NACC2: variants seen among roughly 807,000 people sequenced by gnomAD.
NACC2 encodes the protein NACC family member 2.
NACC2 carries 8 observed loss-of-function variants against 25.1 expected under a neutral mutation model. The ratio of observed to expected loss-of-function variants is 0.32; its 90% CI spans 0.19 to 0.57. The LOEUF (loss-of-function observed/expected upper bound fraction) is 0.57, where lower values mean the gene tolerates loss of function less well. NACC2 is among the 20% of genes least tolerant of loss of function. The pLI is 0.89. For missense variants in NACC2, 644 were observed against 650.2 expected (o/e 0.99, Z 0.10); for synonymous variants, 435 against 294.7 (o/e 1.48, Z -4.88).
rs1166339881 is a variant in NACC2 at position 136,020,566 on chromosome 9, G to A, written c.887-4137C>T. Reference sequence around the variant, plus strand: ...GCGGGGGTAGGAGGGAGACGGGGAGGCCTACTCCCTAAAAGTGTATACCAT... The same window carrying A: ...GCGGGGGTAGGAGGGAGACGGGGAGACCTACTCCCTAAAAGTGTATACCAT... On this transcript the variant is annotated intron_variant, in intron 2 of 5. Transcript: ENST00000277554. This position sits in a 1 kb window ranked among gnomAD's most constrained non-coding sequence, Gnocchi z 4.7. 1.3e-5 allele frequency among the ~76,000 whole-genome samples: 2 copies of A among 152,202 alleles called. No individual in the cohort carries two copies. Among genetic ancestry groups the A allele is most frequent in the African/African-American group, 2.4e-5 (1 of 41,460 alleles).
chr9:136,081,282 C>T (rs1830320881), intron 1 of NACC2, among the ~76,000 whole-genome samples: 1 of 152,096 alleles, frequency 6.6e-6, no homozygotes, highest in South Asian at 2.1e-4. Flanking sequence ...GGTCAGCATG[C>T]CTGGGCTTGA....
At position 136,020,216 on chromosome 9, in the gene NACC2, G is replaced by A. The variant is rs1370138821; in HGVS notation, c.887-3787C>T. On this transcript the variant is annotated intron_variant, in intron 2 of 5. Transcript: ENST00000277554. The surrounding 1 kb of genome is among the most constrained non-coding windows in gnomAD (Gnocchi z 4.7). Reference sequence around the variant, plus strand: ...CAAATGAACGAACGTCAGAAGGAGGGGGCCATGCAGGTCTGGAGGGAAACC... The same window carrying A: ...CAAATGAACGAACGTCAGAAGGAGGAGGCCATGCAGGTCTGGAGGGAAACC... Among the ~76,000 whole-genome samples, 4 of 152,150 alleles carry A rather than the reference G, an allele frequency of 2.6e-5. No individual in the cohort carries two copies. The highest frequency in any genetic ancestry group is 4.8e-5 in the African/African-American group (2 of 41,432).
rs563448003 is a variant in NACC2, at chr9:136,014,838, C to T, written c.1052-869G>A. The stretch of plus-strand genomic sequence containing the variant: ...AGGTCCACGCTGTGCTGTTTACCCT[C>T]GGAAACTTGACCACACCCCAGGTGT... On this transcript the variant is annotated intron_variant, in intron 3 of 5. Transcript: ENST00000277554. 2.1e-3 allele frequency among the ~76,000 whole-genome samples: 319 copies of T among 152,282 alleles called. 2 individuals are homozygous for T. The highest frequency in any genetic ancestry group is 7.2e-3 in the African/African-American group (299 of 41,554).
intron 2 of NACC2, among the ~76,000 whole-genome samples, chr9:136,047,436 C>T (rs1840747711): frequency 6.6e-6 from 1 of 152,266 alleles, no homozygotes. Flanking sequence ...GAAACCCAGA[C>T]TGTGGCATCC....
intron 1 of NACC2, among the ~76,000 whole-genome samples, chr9:136,051,875 C>CAAGGAG (rs1840846373): frequency 9.5e-6 from 1 of 105,220 alleles, no homozygotes; most frequent in East Asian, 3.7e-4. Context: ...AGGGAGCCGG[C>CAAGGAG]AAGGAGGAGG....
chr9:136,056,155 G>C (rs371921763), intron 1 of NACC2, among the ~76,000 whole-genome samples: 3 of 152,182 alleles, frequency 2.0e-5, no homozygotes, highest in Admixed American at 2.0e-4. Flanking sequence ...GCCCAGCTCC[G>C]GATGTGCCAG....
chr9:136,059,691 G>T (rs1014102245), intron 1 of NACC2, among the ~76,000 whole-genome samples: 1 of 152,230 alleles, frequency 6.6e-6, no homozygotes, highest in South Asian at 2.1e-4. Flanking sequence ...GGCTGGCCTT[G>T]GTCCTCTCCA....
intron 2 of NACC2, among the ~76,000 whole-genome samples, chr9:136,027,288 C>T (rs10858207): frequency 0.23 from 34,742 of 152,076 alleles, 5,789 homozygotes; most frequent in African/African-American, 0.47. Context: ...GAGAAAACCT[C>T]AAACAAGAGG....
chr9:136,042,749 GACAGAGACACACACACAGAGACAC>G (rs1564227947), intron 2 of NACC2, among the ~76,000 whole-genome samples: 1 of 142,968 alleles, frequency 7.0e-6, no homozygotes, highest in African/African-American at 2.6e-5. Flanking sequence ...CAGACACAGA[GACAGAGACACACACACAGAGACAC>G]ACAGACACAC....
At chr9:136,030,488 T>C (rs1348101444) in intron 2 of NACC2, among the ~76,000 whole-genome samples, 3 of 151,846 alleles carry the variant, frequency 2.0e-5, no homozygotes, top group South Asian at 2.1e-4. Flanking sequence ...CAGGCGCCTG[T>C]AGTCCCAGCT....
At chr9:136,026,080 C>T (rs1329739779) in intron 2 of NACC2, among the ~76,000 whole-genome samples, 1 of 152,020 alleles carries the variant, frequency 6.6e-6, no homozygotes, top group Non-Finnish European at 1.5e-5. Context: ...TGGCTCACAC[C>T]TGTAACCCCA....
At chr9:136,083,957 C>T (rs72773726) in intron 1 of NACC2, among the ~76,000 whole-genome samples, 11,380 of 152,150 alleles carry the variant, frequency 0.075, 451 homozygotes, top group Non-Finnish European at 0.089. Flanking sequence ...AAAGCCTCTC[C>T]GCCTCACCCC....
At position 136,074,079 on chromosome 9, in the gene NACC2, A is replaced by G. The variant is rs565379757; in HGVS notation, c.-60+21110T>C. Among the ~76,000 whole-genome samples, 60 of 151,546 alleles carry G rather than the reference A, an allele frequency of 4.0e-4. 1 individual carries two copies. Among genetic ancestry groups the G allele is most frequent in the African/African-American group, 1.4e-3 (59 of 41,320 alleles). ...CCAGCACTTTGGGAGGCTGAAGCAG[A>G]AGGATCACTTGAGTCCAGGAGTGAG... is the stretch of plus-strand genomic sequence containing the variant. On this transcript the variant is annotated intron_variant, in intron 1 of 5. Transcript: ENST00000277554.
rs1334530513 is a variant in NACC2 at position 136,007,078 on chromosome 9, C to G, written c.*4438G>C. On this transcript the variant is annotated 3_prime_UTR_variant, in exon 6 of 6. Coordinates refer to ENST00000277554, the MANE Select transcript of NACC2 (RefSeq NM_144653.5). ...GTCAAAAATATTTATACATTTTATA[C>G]TTAGTTCTTTTTTTTGTCTGCTAAA... 6.5e-6 allele frequency: 1 copy of G among 154,338 alleles called. No individual in the cohort carries two copies. The highest frequency in any genetic ancestry group is 2.0e-4 in the South Asian group (1 of 4,926). The allele number at this position is 154,338 out of a possible 1,614,324, so 9.6% of individuals were successfully genotyped here.
intron 1 of NACC2, 23 bp downstream of exon 1, chr9:136,095,166 C>T (rs966397421): frequency 6.8e-6 from 1 of 146,864 alleles, no homozygotes; most frequent in Non-Finnish European, 1.5e-5. Flanking sequence ...CGGGGGCGGC[C>T]GCGCGCGCCA....
chr9:136,031,385 TG>T lies in NACC2; in HGVS notation c.887-14957del, dbSNP rs541528608. Among the ~76,000 whole-genome samples, 5 of 151,706 alleles carry T rather than the reference TG, an allele frequency of 3.3e-5. No individual in the cohort carries two copies. In the South Asian group the frequency reaches 1.0e-3, roughly 32 times the overall value. The stretch of plus-strand genomic sequence containing the variant: ...TAGAGTCTTGCTCCATCACCCAGGC[TG>T]GGGTGCAGTGGCACAATCTCGGCTC... On this transcript the variant is annotated intron_variant, in intron 2 of 5. Coordinates refer to ENST00000277554, the MANE Select transcript of NACC2 (RefSeq NM_144653.5).
chr9:136,094,931 G>C (rs1302402157), intron 1 of NACC2, among the ~76,000 whole-genome samples: 1 of 147,790 alleles, frequency 6.8e-6, no homozygotes, highest in Non-Finnish European at 1.5e-5. Flanking sequence ...GTCCCGGCCC[G>C]GGGTCGCGGG....
chr9:136,073,009 T>C (rs1259141198), intron 1 of NACC2, among the ~76,000 whole-genome samples: 1 of 152,216 alleles, frequency 6.6e-6, no homozygotes, highest in African/African-American at 2.4e-5. Context: ...AACTGGACTT[T>C]ATCAAAATTT....
intron 1 of NACC2, among the ~76,000 whole-genome samples, chr9:136,063,149 C>T (rs1273205267): frequency 6.6e-6 from 1 of 152,216 alleles, no homozygotes; most frequent in Non-Finnish European, 1.5e-5. Context: ...TGTCTCTCTC[C>T]TGTCAAACGT....
Sources: gnomAD v4.1 joint callset for allele counts (sites outside exome capture counted in the v4.1 genomes callset) on GRCh38, gnomAD v4.1.1 for gene constraint, Gnocchi (gnomAD v3.1) non-coding constraint, MANE v1.5 for transcripts, NCBI Gene and HGNC (gene_info 2026-07-23, HGNC 2026-07-21) for gene names.